Variants in DNAJC13 observed in about 807,000 individuals in gnomAD.
The protein encoded by DNAJC13 is DnaJ heat shock protein family (Hsp40) member C13.
DNAJC13 carries 75 observed loss-of-function variants against 290.5 expected under a neutral mutation model. That is an observed-to-expected ratio of 0.26 (90% CI 0.21 to 0.31). The LOEUF is 0.31. DNAJC13 is among the 10% of genes least tolerant of loss of function. DNAJC13 has a pLI of 1.00. For missense variants in DNAJC13, 2,260 were observed against 2,674.5 expected (o/e 0.85, Z 3.42); for synonymous variants, 862 against 892.0 (o/e 0.97, Z 0.60).
At chr3:132,442,236 A>T (rs1241035989) in intron 2 of DNAJC13, among the ~76,000 whole-genome samples, 1 of 151,938 alleles carries the variant, frequency 6.6e-6, no homozygotes, top group Non-Finnish European at 1.5e-5. Context: ...GGCTCAAGTG[A>T]TCCTCCCGCC....
intron 1 of DNAJC13, among the ~76,000 whole-genome samples, chr3:132,434,222 C>CA (rs1303718395): frequency 2.0e-5 from 2 of 101,564 alleles, no homozygotes; most frequent in Non-Finnish European, 4.3e-5. Context: ...AAAAAAAAAA[C>CA]AAAAAACAAA....
chr3:132,520,452 T>C (rs2107741642), intron 48 of DNAJC13, among the ~76,000 whole-genome samples: 1 of 152,332 alleles, frequency 6.6e-6, no homozygotes, highest in East Asian at 1.9e-4. Context: ...GTAATAAACT[T>C]ATGTAGTTCT....
intron 1 of DNAJC13, among the ~76,000 whole-genome samples, chr3:132,434,158 C>T (rs879382653): frequency 1.4e-5 from 2 of 140,532 alleles, no homozygotes; most frequent in Admixed American, 7.1e-5. Flanking sequence ...TGCAGTGAGC[C>T]GAGATCTCGC....
At chr3:132,499,042 AT>A (rs1935329072) in intron 36 of DNAJC13, 83 bp from the exon 37 acceptor site, 2 of 1,266,280 alleles carry the variant, frequency 1.6e-6, no homozygotes, top group Admixed American at 2.4e-5. Flanking sequence ...AAGGCAACAT[AT>A]TCTTGAACAT....
intron 55 of DNAJC13, among the ~76,000 whole-genome samples, chr3:132,531,817 C>T (rs993380365): frequency 6.6e-6 from 1 of 151,704 alleles, no homozygotes; most frequent in African/African-American, 2.4e-5. Flanking sequence ...AAAAGATATT[C>T]TCCTAAGTTT....
chr3:132,521,412 C>T (rs1437539840), intron 48 of DNAJC13, among the ~76,000 whole-genome samples: 1 of 152,096 alleles, frequency 6.6e-6, no homozygotes, highest in Non-Finnish European at 1.5e-5. Flanking sequence ...ATGTAATTGG[C>T]CTGATATAGC....
chr3:132,499,227 C>T lies in DNAJC13; in HGVS notation c.4258C>T (p.Pro1420Ser), dbSNP rs758082675. Residue 1420 changes from proline to serine, a missense_variant, in exon 37 of 56, where the codon CCT becomes TCT. This residue lies in a region of DNAJC13 where 1,494 missense variants were observed against 1,693.7 expected (regional missense o/e 0.88). Transcript: ENST00000260818. ...TTTCTCAAAAGAATCACCATTGTTG[C>T]CTGCGGCTACAGAGCTAGCTTTCCA... The part of the protein sequence containing the change: ...LLFSKESPLL[P>S]AATELAFHTV... 4.3e-6 allele frequency: 7 copies of T among 1,614,094 alleles called. No homozygotes were observed. The Admixed American group carries it at 1.0e-4, about 23-fold the overall frequency.
At position 132,525,500 on chromosome 3, in the gene DNAJC13, A is replaced by G. The variant is rs962375939; in HGVS notation, c.6061-110A>G. ...ATTAGTGAATCTGTTTTCAAGTATC[A>G]GCACTTAGAACTTTTGAATCCCTAG... On this transcript the variant is annotated intron_variant, in intron 51 of 55. Coordinates refer to ENST00000260818, the MANE Select transcript of DNAJC13 (RefSeq NM_015268.4). The G allele has an allele frequency of 9.3e-6, 10 of 1,074,106 alleles. No homozygotes were observed. In the East Asian group the frequency reaches 1.4e-4, roughly 16 times the overall value. The allele number at this position is 1,074,106 out of a possible 1,614,324, so 66.5% of individuals were successfully genotyped here.
intron 31 of DNAJC13, 78 bp downstream of exon 31, chr3:132,489,099 T>C (rs1461566552): frequency 1.2e-5 from 14 of 1,139,742 alleles, no homozygotes; most frequent in Non-Finnish European, 6.5e-6. Context: ...AGCTGTGTAT[T>C]ATGTTTACTA....
At chr3:132,421,906 A>G (rs1265815275) in intron 1 of DNAJC13, among the ~76,000 whole-genome samples, 1 of 152,046 alleles carries the variant, frequency 6.6e-6, no homozygotes, top group African/African-American at 2.4e-5. Flanking sequence ...TGTATATTAA[A>G]CCCTGCAAAA....
chr3:132,538,170 T>C lies in DNAJC13; in HGVS notation c.6626-6T>C, dbSNP rs114306914. The C allele has an allele frequency of 2.2e-3, 3,591 of 1,613,166 alleles. 75 individuals carry two copies. In the African/African-American group the frequency reaches 0.042, roughly 19 times the overall value. On this transcript the variant is annotated splice_polypyrimidine_tract_variant and splice_region_variant and intron_variant, in intron 55 of 55. Coordinates refer to ENST00000260818, the MANE Select transcript of DNAJC13 (RefSeq NM_015268.4). ...AGAGGTGTGTGTTTACCTTTCTCTC[T>C]TGCAGGACCTGGAGTTGCTGGCTAC... is the stretch of plus-strand genomic sequence containing the variant.
chr3:132,419,855 A>G (rs771342228), intron 1 of DNAJC13, among the ~76,000 whole-genome samples: 6 of 152,218 alleles, frequency 3.9e-5, no homozygotes, highest in Non-Finnish European at 8.8e-5. Context: ...ATTAGACCCA[A>G]TAAAGGCTCC....
chr3:132,437,224 G>T (rs868226145), intron 2 of DNAJC13, among the ~76,000 whole-genome samples: 102 of 152,264 alleles, frequency 6.7e-4, no homozygotes, highest in African/African-American at 2.3e-3. Flanking sequence ...TTACTGAATT[G>T]TGAGAGTTCT....
At chr3:132,489,908 T>G (rs1291958890) in intron 31 of DNAJC13, among the ~76,000 whole-genome samples, 2 of 152,246 alleles carry the variant, frequency 1.3e-5, no homozygotes, top group African/African-American at 4.8e-5. Flanking sequence ...ATTCTTTTTC[T>G]TCCTTTATTT....
chr3:132,447,554 G>A, intron 4 of DNAJC13, 84 bp downstream of exon 4: 1 of 1,277,910 alleles, frequency 7.8e-7, no homozygotes, highest in Non-Finnish European at 1.0e-6. Context: ...AGAAATTAAT[G>A]TTCTCTGCCC....
intron 20 of DNAJC13, among the ~76,000 whole-genome samples, chr3:132,469,333 C>A: frequency 6.6e-6 from 1 of 152,188 alleles, no homozygotes; most frequent in South Asian, 2.1e-4. Context: ...ATCTGCATTT[C>A]TTATATAGTC....
chr3:132,446,617 AC>A, intron 3 of DNAJC13, 67 bp downstream of exon 3: 1 of 1,026,758 alleles, frequency 9.7e-7, no homozygotes, highest in Non-Finnish European at 1.5e-6. Flanking sequence ...CCAGGCTGTG[AC>A]CATTACCCTC....
At position 132,482,337 on chromosome 3, in the gene DNAJC13, A is replaced by T; in HGVS notation, c.2979+7A>T. 6.2e-7 allele frequency: 1 copy of T among 1,609,206 alleles called. No individual in the cohort carries two copies. Among genetic ancestry groups the T allele is most frequent in the Non-Finnish European group, 8.5e-7 (1 of 1,176,430 alleles). ...CCCGTATGGATTTCATGAGGTATGT[A>T]TCTTGGAGATACTTTTGGTGAAGGT... On this transcript the variant is annotated splice_region_variant and intron_variant, in intron 27 of 55. Coordinates refer to ENST00000260818, the MANE Select transcript of DNAJC13 (RefSeq NM_015268.4).
chr3:132,434,675 AC>A (rs1939333884), intron 2 of DNAJC13, 57 bp downstream of exon 2: 2 of 1,396,250 alleles, frequency 1.4e-6, no homozygotes, highest in East Asian at 4.6e-5. Flanking sequence ...TTTAAACATT[AC>A]TGTGTTTCAT....
Sources: gnomAD v4.1 joint callset for allele counts (sites outside exome capture counted in the v4.1 genomes callset) on GRCh38, gnomAD v4.1.1 for gene constraint, gnomAD v4.1.1 regional missense constraint, MANE v1.5 for transcripts, NCBI Gene and HGNC (gene_info 2026-07-23, HGNC 2026-07-21) for gene names.